The following ZBTB7C variants were observed in gnomAD, a reference collection of about 807,000 sequenced individuals.
The protein encoded by ZBTB7C is zinc finger and BTB domain-containing protein 7C.
ZBTB7C carries 8 observed loss-of-function variants against 25.7 expected under a neutral mutation model. That is an observed-to-expected ratio of 0.31 (90% confidence interval 0.18 to 0.56). The LOEUF is 0.56. Ranked by LOEUF, ZBTB7C falls within the 20% of genes least tolerant of loss-of-function variation. ZBTB7C has a pLI of 0.91. For missense variants in ZBTB7C, 824 were observed against 855.2 expected (o/e 0.96, Z 0.46); for synonymous variants, 394 against 369.0 (o/e 1.07, Z -0.78).
At chr18:48,084,709 C>T (rs2038125150) in intron 3 of ZBTB7C, among the ~76,000 whole-genome samples, 1 of 152,208 alleles carries the variant, frequency 6.6e-6, no homozygotes, top group Admixed American at 6.5e-5. Flanking sequence ...TGGGCCTTCC[C>T]ACCCACTTCT....
intron 3 of ZBTB7C, among the ~76,000 whole-genome samples, chr18:48,171,482 G>A (rs139169389): frequency 6.6e-6 from 1 of 152,352 alleles, no homozygotes; most frequent in African/African-American, 2.4e-5. Flanking sequence ...TCTAGGAGCT[G>A]ATCTCAGCAA....
Position 48,029,262 on chromosome 18 carries a change from A to C in ZBTB7C, c.1858T>G (p.Ter620GluextTer27). The C allele has an allele frequency of 6.5e-7, 1 of 1,537,556 alleles. No individual in the cohort carries two copies. Among genetic ancestry groups the C allele is most frequent in the Non-Finnish European group, 8.7e-7 (1 of 1,148,996 alleles). The change falls in exon 5 of 5, where the codon TAG becomes GAG. Residue 620 changes from the stop codon to glutamate, a stop_lost. Transcript: ENST00000590800. ...HVASMSEANN* is the reference protein window; with the variant it reads ...HVASMSEANNE Reference sequence around the variant, plus strand: ...GGCTGGAGCCGACAGGGACCAGCCTAGTTGTTGGCTTCGGACATGGAGGCC... The same window carrying C: ...GGCTGGAGCCGACAGGGACCAGCCTCGTTGTTGGCTTCGGACATGGAGGCC...
chr18:48,064,029 A>G (rs1055545788), intron 3 of ZBTB7C, among the ~76,000 whole-genome samples: 27 of 152,212 alleles, frequency 1.8e-4, no homozygotes, highest in Non-Finnish European at 3.2e-4. Flanking sequence ...TTGTATAATT[A>G]TATTGGAAAT....
At chr18:48,379,874 A>T (rs1278062857) in intron 1 of ZBTB7C, among the ~76,000 whole-genome samples, 2 of 152,220 alleles carry the variant, frequency 1.3e-5, no homozygotes, top group Admixed American at 6.5e-5. Flanking sequence ...ACATGAAAAG[A>T]TGCTCAACAT....
chr18:48,139,274 G>A (rs141441522), intron 3 of ZBTB7C, among the ~76,000 whole-genome samples: 1 of 152,182 alleles, frequency 6.6e-6, no homozygotes, highest in Admixed American at 6.5e-5. Flanking sequence ...GGGTCTATGA[G>A]GTAGAGCCAG....
chr18:48,297,883 T>C (rs2045438765), intron 2 of ZBTB7C, among the ~76,000 whole-genome samples: 1 of 152,200 alleles, frequency 6.6e-6, no homozygotes, highest in African/African-American at 2.4e-5. Flanking sequence ...TGTGCCTTCA[T>C]TTGGGTATGG....
chr18:48,277,751 C>T (rs1022286899), intron 2 of ZBTB7C, among the ~76,000 whole-genome samples: 2 of 152,088 alleles, frequency 1.3e-5, no homozygotes, highest in African/African-American at 2.4e-5. Flanking sequence ...CCCTCGAGTG[C>T]TAAATTTGTA....
chr18:48,219,349 G>A lies in ZBTB7C; in HGVS notation c.-78-33354C>T, dbSNP rs150988817. Among the ~76,000 whole-genome samples the A allele has an allele frequency of 3.9e-5, 6 of 152,306 alleles. No individual in the cohort carries two copies. In the East Asian group the frequency reaches 1.2e-3, roughly 29 times the overall value. ...GCTAGTTGGGTAAAATAACAATAAT[G>A]ATGACAACACTAACATCTGATGAGA... On this transcript the variant is annotated intron_variant, in intron 2 of 4. Coordinates refer to ENST00000590800, the MANE Select transcript of ZBTB7C (RefSeq NM_001318841.2).
chr18:48,171,672 G>A (rs2041486179), intron 3 of ZBTB7C, among the ~76,000 whole-genome samples: 2 of 152,254 alleles, frequency 1.3e-5, no homozygotes, highest in Non-Finnish European at 2.9e-5. Flanking sequence ...CTGTCTCCAT[G>A]GCTGCCCTGG....
At chr18:48,146,621 T>C (rs2040505662) in intron 3 of ZBTB7C, among the ~76,000 whole-genome samples, 1 of 152,228 alleles carries the variant, frequency 6.6e-6, no homozygotes, top group Non-Finnish European at 1.5e-5. Flanking sequence ...AAACGAAATC[T>C]TGATCTAGAA....
intron 2 of ZBTB7C, among the ~76,000 whole-genome samples, chr18:48,250,179 T>C (rs574205509): frequency 1.3e-5 from 2 of 152,206 alleles, no homozygotes; most frequent in South Asian, 4.1e-4. Context: ...ACCCCCAACA[T>C]CTTTGAAAAC....
At chr18:48,154,206 CGATCTGAATGGCCAGGAGGTCAATCAAG>C (rs1326892134) in intron 3 of ZBTB7C, among the ~76,000 whole-genome samples, 7 of 152,232 alleles carry the variant, frequency 4.6e-5, no homozygotes, top group Non-Finnish European at 7.4e-5. Flanking sequence ...GGTCAGGAAT[CGATCTGAATGGCCAGGAGGTCAATCAAG>C]GATCTGAATG....
intron 2 of ZBTB7C, among the ~76,000 whole-genome samples, chr18:48,281,451 T>C (rs1213762252): frequency 2.0e-5 from 3 of 152,076 alleles, no homozygotes; most frequent in Admixed American, 6.5e-5. Context: ...AAAGCCAAAA[T>C]TGACAAATGG....
At chr18:48,121,751 T>C (rs1423171868) in intron 3 of ZBTB7C, among the ~76,000 whole-genome samples, 1 of 152,154 alleles carries the variant, frequency 6.6e-6, no homozygotes, top group Non-Finnish European at 1.5e-5. Flanking sequence ...CAGGTTTCCA[T>C]CTGTAAAATA....
intron 2 of ZBTB7C, among the ~76,000 whole-genome samples, chr18:48,276,912 C>T (rs946797149): frequency 7.5e-6 from 1 of 133,436 alleles, no homozygotes; most frequent in African/African-American, 2.8e-5. Context: ...TTTACAGTCC[C>T]ACCAACAGTG....
chr18:48,389,593 G>A (rs1251759354), intron 1 of ZBTB7C, among the ~76,000 whole-genome samples: 1 of 151,176 alleles, frequency 6.6e-6, no homozygotes, highest in Non-Finnish European at 1.5e-5. Context: ...TCTCTTGGGT[G>A]TTCCCCAGGG....
At position 48,036,698 on chromosome 18, in the gene ZBTB7C, G is replaced by A. The variant is rs548067697; in HGVS notation, c.1208+3202C>T. On this transcript the variant is annotated intron_variant, in intron 4 of 4. Transcript: ENST00000590800. ...ACAGGGCCCAGTCTCAGGAAGTGGC[G>A]TGGCCTTGGAAGGGAGTCTGGGAAT... 1.9e-4 allele frequency among the ~76,000 whole-genome samples: 29 copies of A among 152,340 alleles called. No individual in the cohort carries two copies. The South Asian group carries it at 3.5e-3, about 18-fold the overall frequency.
intron 1 of ZBTB7C, among the ~76,000 whole-genome samples, chr18:48,401,845 T>A (rs1292173541): frequency 6.6e-6 from 1 of 152,080 alleles, no homozygotes; most frequent in South Asian, 2.1e-4. Context: ...AGATTTCACC[T>A]AGGCCTCACC....
intron 3 of ZBTB7C, among the ~76,000 whole-genome samples, chr18:48,111,272 A>T (rs569606497): frequency 6.6e-6 from 1 of 152,342 alleles, no homozygotes; most frequent in East Asian, 1.9e-4. Flanking sequence ...TTGAGTCGGA[A>T]TAAAAAACAA....
Sources: allele counts gnomAD v4.1 joint callset (sites outside exome capture counted in the v4.1 genomes callset), GRCh38; gene constraint gnomAD v4.1.1; transcripts MANE v1.5; gene names NCBI Gene and HGNC (gene_info 2026-07-23, HGNC 2026-07-21).